ARHGAP10: variants seen among roughly 807,000 people sequenced by gnomAD.
ARHGAP10 encodes Rho GTPase activating protein 10.
In ARHGAP10, 87 loss-of-function variants were observed where a neutral mutation model predicts 108.6. The ratio of observed to expected loss-of-function variants is 0.80; its 90% CI spans 0.67 to 0.96. The LOEUF (loss-of-function observed/expected upper bound fraction) is 0.96, where lower values mean the gene tolerates loss of function less well. Ranked by LOEUF, ARHGAP10 falls within the 40% of genes least tolerant of loss-of-function variation. ARHGAP10 has a pLI of 0.00. For synonymous variants in ARHGAP10, 347 were observed against 341.1 expected (o/e 1.02, Z -0.19); for missense variants, 939 against 954.5 (o/e 0.98, Z 0.21).
intron 18 of ARHGAP10, among the ~76,000 whole-genome samples, chr4:148,021,772 A>T (rs1230738463): frequency 6.6e-6 from 1 of 152,184 alleles, no homozygotes; most frequent in African/African-American, 2.4e-5. Context: ...GTAGTTTGCT[A>T]TTGGCCAGAG....
chr4:147,903,159 C>T (rs911158540), intron 10 of ARHGAP10, among the ~76,000 whole-genome samples: 4 of 152,226 alleles, frequency 2.6e-5, no homozygotes, highest in Admixed American at 6.5e-5. Context: ...TCTGCCTCCA[C>T]AGCTTTCTGT....
intron 18 of ARHGAP10, among the ~76,000 whole-genome samples, chr4:147,980,882 G>A (rs753091421): frequency 6.6e-6 from 1 of 152,030 alleles, no homozygotes; most frequent in Non-Finnish European, 1.5e-5. Flanking sequence ...CTGTGGTATC[G>A]GTTGTTATGT....
chr4:147,914,278 A>G (rs1736867410), intron 13 of ARHGAP10, among the ~76,000 whole-genome samples: 1 of 152,212 alleles, frequency 6.6e-6, no homozygotes, highest in Non-Finnish European at 1.5e-5. Flanking sequence ...ACATACACAG[A>G]AAATTTCTGT....
intron 1 of ARHGAP10, among the ~76,000 whole-genome samples, chr4:147,779,989 G>A (rs1323666026): frequency 6.6e-6 from 1 of 152,102 alleles, no homozygotes; most frequent in East Asian, 1.9e-4. Context: ...TCGTACATAA[G>A]CCTTGTTACA....
chr4:147,794,174 G>A (rs570532652), intron 1 of ARHGAP10, among the ~76,000 whole-genome samples: 2 of 152,106 alleles, frequency 1.3e-5, no homozygotes, highest in Non-Finnish European at 2.9e-5. Flanking sequence ...TTTACAGAGC[G>A]GTTATGGTTT....
At chr4:148,053,200 C>T (rs976192797) in intron 20 of ARHGAP10, among the ~76,000 whole-genome samples, 3 of 152,042 alleles carry the variant, frequency 2.0e-5, no homozygotes, top group African/African-American at 7.2e-5. Context: ...TGAGTTTGAC[C>T]CCTCATGTGT....
intron 18 of ARHGAP10, among the ~76,000 whole-genome samples, chr4:147,972,065 A>G (rs2149619315): frequency 6.6e-6 from 1 of 152,306 alleles, no homozygotes; most frequent in East Asian, 1.9e-4. Context: ...GGGAGGAGTA[A>G]GATGAGTTCA....
chr4:147,811,422 T>TAACA (rs1732012978), intron 1 of ARHGAP10, among the ~76,000 whole-genome samples: 1 of 143,494 alleles, frequency 7.0e-6, no homozygotes, highest in Admixed American at 6.8e-5. Context: ...GATCCTCAAG[T>TAACA]AACAGCCCAG....
rs1217556798 is a variant in ARHGAP10 at position 148,014,152 on chromosome 4, T to A, written c.1717-9111T>A. Among the ~76,000 whole-genome samples the A allele has an allele frequency of 2.0e-5, 3 of 152,246 alleles. No homozygotes were observed. The East Asian group carries it at 5.8e-4, about 29-fold the overall frequency. On this transcript the variant is annotated intron_variant, in intron 18 of 22. Coordinates refer to ENST00000336498, the MANE Select transcript of ARHGAP10 (RefSeq NM_024605.4). ...ATAGTTGACATAGAGTATATTTTAT[T>A]AATGTTAGTCTAGGCGTTTATTACT...
chr4:147,902,942 G>A (rs1447593030), intron 10 of ARHGAP10, among the ~76,000 whole-genome samples: 1 of 151,968 alleles, frequency 6.6e-6, no homozygotes, highest in East Asian at 1.9e-4. Context: ...TGTGGGGCAG[G>A]CTATATACTT....
chr4:147,839,706 C>T (rs1733334458), intron 3 of ARHGAP10, among the ~76,000 whole-genome samples: 1 of 152,144 alleles, frequency 6.6e-6, no homozygotes, highest in African/African-American at 2.4e-5. Flanking sequence ...TGGAGTGGTT[C>T]CTCCCCACAG....
intron 18 of ARHGAP10, among the ~76,000 whole-genome samples, chr4:147,999,550 T>TAAA (rs1485116033): frequency 6.6e-6 from 1 of 152,208 alleles, no homozygotes; most frequent in African/African-American, 2.4e-5. Context: ...CCGCTCTGGA[T>TAAA]CAGGTTAAAG....
intron 20 of ARHGAP10, among the ~76,000 whole-genome samples, chr4:148,060,505 A>G (rs1729569618): frequency 6.6e-6 from 1 of 152,120 alleles, no homozygotes; most frequent in South Asian, 2.1e-4. Context: ...GATCCTTCCC[A>G]GCCGACAAGC....
Position 147,847,199 on chromosome 4 carries a change from A to G in ARHGAP10, c.361A>G (p.Lys121Glu), listed in dbSNP as rs1317758568. 11 of 1,613,130 alleles carry G rather than the reference A, an allele frequency of 6.8e-6. No homozygotes were observed. Among genetic ancestry groups the G allele is most frequent in the Non-Finnish European group, 9.3e-6 (11 of 1,179,286 alleles). Residue 121 changes from lysine (K) to glutamate (E), a missense_variant, in exon 4 of 23, where the codon AAA becomes GAA. Coordinates refer to ENST00000336498, the MANE Select transcript of ARHGAP10 (RefSeq NM_024605.4). ...GATTAAACCCTTGGAAAAATTCAGA[A>G]AAGAGCAACTTGGAGCTGTAAAGGT... The part of the protein sequence containing the change: ...TLIKPLEKFR[K>E]EQLGAVKEEK...
At chr4:147,833,256 G>A in intron 3 of ARHGAP10, among the ~76,000 whole-genome samples, 1 of 152,172 alleles carries the variant, frequency 6.6e-6, no homozygotes, top group East Asian at 1.9e-4. Flanking sequence ...GGAGGTGATT[G>A]GGTCATAGGG....
intron 20 of ARHGAP10, 111 bp downstream of exon 20, chr4:148,047,162 G>A: frequency 7.5e-7 from 1 of 1,333,712 alleles, no homozygotes; most frequent in Non-Finnish European, 1.0e-6. Flanking sequence ...AGATCTAGGA[G>A]CCCTTGTTTT....
intron 1 of ARHGAP10, among the ~76,000 whole-genome samples, chr4:147,813,163 A>G (rs1431808510): frequency 6.6e-6 from 1 of 151,598 alleles, no homozygotes; most frequent in Non-Finnish European, 1.5e-5. Flanking sequence ...AAATAAAAGA[A>G]TTGTATGTGT....
At chr4:147,887,426 C>T (rs1735616591) in intron 10 of ARHGAP10, among the ~76,000 whole-genome samples, 1 of 90,008 alleles carries the variant, frequency 1.1e-5, no homozygotes, top group Non-Finnish European at 2.5e-5. Flanking sequence ...GTGAAATGCT[C>T]TTATTTCATT....
chr4:148,007,537 T>C (rs1740998437), intron 18 of ARHGAP10, among the ~76,000 whole-genome samples: 1 of 152,196 alleles, frequency 6.6e-6, no homozygotes, highest in African/African-American at 2.4e-5. Flanking sequence ...CCTTCAGCGA[T>C]TCATGAGTCA....
Sources: allele counts gnomAD v4.1 joint callset (sites outside exome capture counted in the v4.1 genomes callset), GRCh38; gene constraint gnomAD v4.1.1; transcripts MANE v1.5; gene names NCBI Gene and HGNC (gene_info 2026-07-23, HGNC 2026-07-21).